NAALADL2: variants seen among roughly 807,000 people sequenced by gnomAD.
NAALADL2 encodes the protein N-acetylated alpha-linked acidic dipeptidase like 2, also known as inactive N-acetylated-alpha-linked acidic dipeptidase-like protein 2.
NAALADL2 carries 76 observed loss-of-function variants against 87.2 expected under a neutral mutation model. The observed-to-expected ratio is 0.87, with a 90% CI of 0.72 to 1.05. The LOEUF (loss-of-function observed/expected upper bound fraction) is 1.05, where lower values mean the gene tolerates loss of function less well. Among genes scored for constraint, NAALADL2 ranks in the 50% least tolerant of loss-of-function variants. NAALADL2 has a pLI of 0.00. For missense variants in NAALADL2, 1,089 were observed against 945.8 expected (o/e 1.15, Z -1.99); for synonymous variants, 354 against 331.0 (o/e 1.07, Z -0.75).
intron 4 of NAALADL2, among the ~76,000 whole-genome samples, chr3:175,262,181 TAAG>T (rs1171152439): frequency 6.6e-6 from 1 of 152,030 alleles, no homozygotes; most frequent in Non-Finnish European, 1.5e-5. Flanking sequence ...GGAAGATCAA[TAAG>T]AAATCCTCTA....
chr3:175,354,434 TACTC>T (rs548674468), intron 5 of NAALADL2, among the ~76,000 whole-genome samples: 119 of 152,254 alleles, frequency 7.8e-4, no homozygotes, highest in African/African-American at 1.3e-3. Flanking sequence ...CTATTAGTAA[TACTC>T]AAGAAATAAA....
chr3:174,575,577 G>A (rs1037940324), intron 2 of NAALADL2, among the ~76,000 whole-genome samples: 1 of 152,118 alleles, frequency 6.6e-6, no homozygotes, highest in Non-Finnish European at 1.5e-5. Context: ...GTGATTTTGT[G>A]TAACAGTGGC....
intron 2 of NAALADL2, among the ~76,000 whole-genome samples, chr3:174,661,983 A>G (rs1284417680): frequency 6.6e-6 from 1 of 152,194 alleles, no homozygotes; most frequent in African/African-American, 2.4e-5. Flanking sequence ...CACTTCTTCC[A>G]AAGTTGAGAA....
intron 1 of NAALADL2, among the ~76,000 whole-genome samples, chr3:174,874,350 T>C (rs1286228317): frequency 2.6e-5 from 4 of 152,216 alleles, no homozygotes; most frequent in East Asian, 1.9e-4. Flanking sequence ...CCCCTACTGA[T>C]ACTTAATGTG....
At chr3:174,915,294 T>G (rs1734221404) in intron 1 of NAALADL2, among the ~76,000 whole-genome samples, 2 of 152,298 alleles carry the variant, frequency 1.3e-5, no homozygotes, top group South Asian at 4.1e-4. Context: ...TGACAGTGTT[T>G]GAGATTACCC....
chr3:175,324,968 C>T (rs1336408388), intron 5 of NAALADL2, among the ~76,000 whole-genome samples: 3 of 152,156 alleles, frequency 2.0e-5, no homozygotes, highest in Non-Finnish European at 4.4e-5. Context: ...ATGCTCACCG[C>T]ATCATTGAAT....
chr3:174,724,402 C>T (rs1731993433), intron 2 of NAALADL2, among the ~76,000 whole-genome samples: 1 of 152,060 alleles, frequency 6.6e-6, no homozygotes, highest in Non-Finnish European at 1.5e-5. Flanking sequence ...TCTAAAAACT[C>T]TAACTTTTGA....
At chr3:174,876,430 C>A (rs1206466201) in intron 1 of NAALADL2, among the ~76,000 whole-genome samples, 1 of 152,150 alleles carries the variant, frequency 6.6e-6, no homozygotes, top group East Asian at 1.9e-4. Context: ...TATAATACTT[C>A]TGCATAAAAT....
intron 11 of NAALADL2, among the ~76,000 whole-genome samples, chr3:175,629,062 T>G (rs4894726): frequency 0.74 from 109,762 of 149,252 alleles, 41,158 homozygotes; most frequent in East Asian, 0.88. Flanking sequence ...AGGATAGAAG[T>G]GCACACAAAA....
intron 2 of NAALADL2, among the ~76,000 whole-genome samples, chr3:175,210,207 G>T (rs1424050060): frequency 6.6e-6 from 1 of 151,728 alleles, no homozygotes; most frequent in African/African-American, 2.4e-5. Flanking sequence ...AACATGAAAA[G>T]AGACTACTCA....
chr3:175,671,710 A>C (rs79695381), intron 11 of NAALADL2, among the ~76,000 whole-genome samples: 3,207 of 152,112 alleles, frequency 0.021, 104 homozygotes, highest in African/African-American at 0.073. Flanking sequence ...CCTCTTGTTA[A>C]GTCATATTAA....
Position 174,980,592 on chromosome 3 carries a change from T to G in NAALADL2, c.44-116198T>G, listed in dbSNP as rs1430890008. On this transcript the variant is annotated intron_variant, in intron 1 of 13. Transcript: ENST00000454872. ...GAATCAAAAAGAAAGATCAAGGTATTATAAGTATAATTTTAATATGTGTAT... is the reference window on the plus strand; with the variant it reads ...GAATCAAAAAGAAAGATCAAGGTATGATAAGTATAATTTTAATATGTGTAT... Among the ~76,000 whole-genome samples, 3 of 152,208 alleles carry G rather than the reference T, an allele frequency of 2.0e-5. No homozygotes were observed. The South Asian group carries it at 6.2e-4, about 32-fold the overall frequency.
At chr3:174,824,274 A>G (rs1180647121) in intron 3 of NAALADL2, among the ~76,000 whole-genome samples, 2 of 152,168 alleles carry the variant, frequency 1.3e-5, no homozygotes, top group East Asian at 3.8e-4. Flanking sequence ...ATAAGGAATT[A>G]TTTTATTTGT....
At chr3:174,526,474 A>C (rs1248470104) in intron 1 of NAALADL2, among the ~76,000 whole-genome samples, 1 of 152,214 alleles carries the variant, frequency 6.6e-6, no homozygotes, top group East Asian at 1.9e-4. Flanking sequence ...AAATAGTTAA[A>C]TAAATGTCTA....
At chr3:175,733,811 G>A (rs1241101609) in intron 11 of NAALADL2, among the ~76,000 whole-genome samples, 1 of 152,314 alleles carries the variant, frequency 6.6e-6, no homozygotes, top group African/African-American at 2.4e-5. Flanking sequence ...GGGAGAAATT[G>A]ACCAAAATAC....
At chr3:175,470,168 A>G (rs573985699) in intron 8 of NAALADL2, among the ~76,000 whole-genome samples, 1 of 152,218 alleles carries the variant, frequency 6.6e-6, no homozygotes, top group South Asian at 2.1e-4. Context: ...ATTGTATTCC[A>G]TTGTGTATAT....
At chr3:175,300,142 T>G (rs1021911340) in intron 4 of NAALADL2, among the ~76,000 whole-genome samples, 4 of 152,244 alleles carry the variant, frequency 2.6e-5, no homozygotes, top group Non-Finnish European at 4.4e-5. Context: ...GAAGCTGACT[T>G]GATCGTGGTG....
chr3:174,841,504 C>T (rs1289504255), intron 3 of NAALADL2, among the ~76,000 whole-genome samples: 2 of 152,002 alleles, frequency 1.3e-5, no homozygotes, highest in Admixed American at 1.3e-4. Flanking sequence ...TTTCCTTTTT[C>T]GAAGCTACCA....
rs368399585 is a variant in NAALADL2, at chr3:175,712,322, ATC to A, written c.1897-24982_1897-24981del. ...ATGGCAATATTAAAATACACTTTCA[ATC>A]TTTCATGTAATCCATGTAAAAGGGG... On this transcript the variant is annotated intron_variant, in intron 11 of 13. Transcript: ENST00000454872. Among the ~76,000 whole-genome samples, 13 of 152,186 alleles carry A rather than the reference ATC, an allele frequency of 8.5e-5. No homozygotes were observed. The East Asian group carries it at 1.9e-3, about 23-fold the overall frequency.
Sources: gnomAD v4.1 joint callset for allele counts (sites outside exome capture counted in the v4.1 genomes callset) on GRCh38, gnomAD v4.1.1 for gene constraint, MANE v1.5 for transcripts, NCBI Gene and HGNC (gene_info 2026-07-23, HGNC 2026-07-21) for gene names.